The following MAGI1 variants were observed in gnomAD, a reference collection of about 807,000 sequenced individuals.
MAGI1 encodes the protein membrane-associated guanylate kinase, WW and PDZ domain-containing protein 1.
MAGI1 carries 58 observed loss-of-function variants against 139.9 expected under a neutral mutation model. That is an observed-to-expected ratio of 0.41 (90% CI 0.34 to 0.52). The LOEUF is 0.52. MAGI1 is among the 20% of genes least tolerant of loss of function. MAGI1 has a pLI of 0.12. For missense variants in MAGI1, 1,874 were observed against 1,901.6 expected (o/e 0.99, Z 0.27); for synonymous variants, 812 against 737.9 (o/e 1.10, Z -1.63).
chr3:65,738,937 A>C (rs1299674397), intron 1 of MAGI1, among the ~76,000 whole-genome samples: 1 of 152,200 alleles, frequency 6.6e-6, no homozygotes, highest in Non-Finnish European at 1.5e-5. Flanking sequence ...ATAGTCAATG[A>C]GCATTGGCTT....
Position 65,383,705 on chromosome 3 carries a change from C to A in MAGI1, c.2417-82G>T, listed in dbSNP as rs554908800. 11 of 861,394 alleles carry A rather than the reference C, an allele frequency of 1.3e-5. No homozygotes were observed. The African/African-American group carries it at 1.8e-4, about 14-fold the overall frequency. The allele number at this position is 861,394 out of a possible 1,614,324, so 53.4% of individuals were successfully genotyped here. ...CCCCAAGATGAACACAGTTGCAGGACAAGAATGGTGGTGCTTGATCAGATG... is the reference window on the plus strand; with the variant it reads ...CCCCAAGATGAACACAGTTGCAGGAAAAGAATGGTGGTGCTTGATCAGATG... On this transcript the variant is annotated intron_variant, in intron 14 of 22. Transcript: ENST00000402939.
chr3:65,906,376 G>C (rs2061433400), intron 1 of MAGI1, among the ~76,000 whole-genome samples: 1 of 152,092 alleles, frequency 6.6e-6, no homozygotes, highest in African/African-American at 2.4e-5. Context: ...AGTCTGAAAG[G>C]GCAGCATGTC....
intron 1 of MAGI1, among the ~76,000 whole-genome samples, chr3:65,960,875 G>A (rs1224013904): frequency 1.3e-5 from 2 of 152,078 alleles, no homozygotes; most frequent in African/African-American, 4.8e-5. Flanking sequence ...AAATACCCCA[G>A]TTAAATAGAT....
chr3:65,491,303 T>C (rs1055081242), intron 3 of MAGI1, among the ~76,000 whole-genome samples: 17 of 152,146 alleles, frequency 1.1e-4, no homozygotes, highest in African/African-American at 4.8e-5. Context: ...GTGAAGATAA[T>C]AGCCGCCTCT....
intron 1 of MAGI1, among the ~76,000 whole-genome samples, chr3:65,695,710 G>T (rs2089118107): frequency 6.6e-6 from 1 of 152,122 alleles, no homozygotes; most frequent in African/African-American, 2.4e-5. Context: ...TTTGATATTT[G>T]AATTGTTGGA....
intron 2 of MAGI1, among the ~76,000 whole-genome samples, chr3:65,516,432 C>A (rs899979239): frequency 3.3e-5 from 5 of 152,066 alleles, no homozygotes; most frequent in African/African-American, 7.2e-5. Flanking sequence ...CCCGCCTGGC[C>A]TCCCAACGCA....
intron 2 of MAGI1, among the ~76,000 whole-genome samples, chr3:65,527,867 A>T (rs2078461135): frequency 6.6e-6 from 1 of 151,990 alleles, no homozygotes; most frequent in African/African-American, 2.4e-5. Context: ...AGATCATGCC[A>T]CTGCACTCCA....
chr3:65,442,694 G>T, intron 8 of MAGI1, 98 bp downstream of exon 8: 1 of 736,406 alleles, frequency 1.4e-6, no homozygotes, highest in South Asian at 2.2e-5. Flanking sequence ...ATTGTTAATT[G>T]GTTTGTGCCT....
At chr3:65,741,479 C>T (rs2035265439) in intron 1 of MAGI1, among the ~76,000 whole-genome samples, 1 of 152,094 alleles carries the variant, frequency 6.6e-6, no homozygotes, top group Non-Finnish European at 1.5e-5. Context: ...TGGCCTATTG[C>T]TTTATTTATT....
chr3:65,551,384 T>C (rs1375248525), intron 2 of MAGI1, among the ~76,000 whole-genome samples: 2 of 152,186 alleles, frequency 1.3e-5, no homozygotes, highest in African/African-American at 4.8e-5. Flanking sequence ...CACTGTAGCC[T>C]CTGCCTCCTT....
chr3:65,692,419 G>A (rs1029882387), intron 1 of MAGI1, among the ~76,000 whole-genome samples: 2 of 152,080 alleles, frequency 1.3e-5, no homozygotes, highest in African/African-American at 4.8e-5. Context: ...GTGCCTCCCT[G>A]CCAACCAAAC....
intron 1 of MAGI1, among the ~76,000 whole-genome samples, chr3:65,775,500 GCCA>G (rs1271892550): frequency 0.044 from 1,431 of 32,460 alleles, 35 homozygotes; most frequent in Middle Eastern, 0.068. Flanking sequence ...CACCCACTCT[GCCA>G]AAAAAAAAAA....
At chr3:65,546,621 G>C (rs1032555437) in intron 2 of MAGI1, among the ~76,000 whole-genome samples, 2 of 152,150 alleles carry the variant, frequency 1.3e-5, no homozygotes, top group African/African-American at 2.4e-5. Flanking sequence ...TTCTAGAATT[G>C]TTTAACTAAG....
At chr3:65,585,554 T>C (rs919917878) in intron 2 of MAGI1, among the ~76,000 whole-genome samples, 1 of 152,182 alleles carries the variant, frequency 6.6e-6, no homozygotes, top group Non-Finnish European at 1.5e-5. Flanking sequence ...CTGTAACTCT[T>C]AGATGTTGCT....
rs377665681 is a variant in MAGI1, at chr3:65,926,327, TTCTCTCTCTCTCTCTCTC to T, written c.313+111651_313+111668del. ...GAAGATCCAAGACTGAAGTCTTCTT[TTCTCTCTCTCTCTCTCTC>T]TCTCTCTCTCTCTCTCTCTCTCTCC... On this transcript the variant is annotated intron_variant, in intron 1 of 22. Coordinates refer to ENST00000402939, the MANE Select transcript of MAGI1 (RefSeq NM_001033057.2). 4.5e-3 allele frequency among the ~76,000 whole-genome samples: 518 copies of T among 115,666 alleles called. 4 individuals are homozygous for T. Among genetic ancestry groups the T allele is most frequent in the African/African-American group, 0.016 (477 of 29,158 alleles). The allele number at this position is 115,666 out of a possible 152,430, so 75.9% of individuals were successfully genotyped here.
chr3:65,774,063 C>A (rs114561135), intron 1 of MAGI1, among the ~76,000 whole-genome samples: 149 of 150,696 alleles, frequency 9.9e-4, no homozygotes, highest in Non-Finnish European at 1.5e-3. Flanking sequence ...AACTAAGTGG[C>A]ACATGGGCAT....
At chr3:65,601,905 A>G (rs2082501919) in intron 2 of MAGI1, among the ~76,000 whole-genome samples, 1 of 152,168 alleles carries the variant, frequency 6.6e-6, no homozygotes, top group South Asian at 2.1e-4. Context: ...CTACAACTAA[A>G]CAATAAAAAG....
At chr3:65,582,911 A>G (rs2081505407) in intron 2 of MAGI1, among the ~76,000 whole-genome samples, 1 of 152,220 alleles carries the variant, frequency 6.6e-6, no homozygotes, top group Non-Finnish European at 1.5e-5. Flanking sequence ...ACACCAGTCC[A>G]TCAGCACTGT....
chr3:65,424,279 A>G lies in MAGI1; in HGVS notation c.2167+5241T>C, dbSNP rs548246961. 1.3e-4 allele frequency among the ~76,000 whole-genome samples: 20 copies of G among 152,284 alleles called. No individual in the cohort carries two copies. In the East Asian group the frequency reaches 2.1e-3, roughly 16 times the overall value. On this transcript the variant is annotated intron_variant, in intron 12 of 22. Coordinates refer to ENST00000402939, the MANE Select transcript of MAGI1 (RefSeq NM_001033057.2). ...CTCATTATCATTTTTCTAGAGTTAC[A>G]AAGTGTGCTTATAAAGCTAGAGGAT...
Sources: allele counts gnomAD v4.1 joint callset (sites outside exome capture counted in the v4.1 genomes callset), GRCh38; gene constraint gnomAD v4.1.1; transcripts MANE v1.5; gene names NCBI Gene and HGNC (gene_info 2026-07-23, HGNC 2026-07-21).